Variants in ERAP1 observed in about 807,000 individuals in gnomAD.
The protein encoded by ERAP1 is adipocyte-derived leucine aminopeptidase.
In ERAP1, 86 loss-of-function variants were observed where a neutral mutation model predicts 103.7. The observed-to-expected ratio is 0.83, with a 90% CI of 0.70 to 0.99. ERAP1 has a LOEUF of 0.99. Among genes scored for constraint, ERAP1 ranks in the 50% least tolerant of loss-of-function variants. The pLI is 0.00. For synonymous variants in ERAP1, 398 were observed against 402.4 expected (o/e 0.99, Z 0.13); for missense variants, 1,009 against 1,128.4 (o/e 0.89, Z 1.52).
the ERAP1 span, chr5:96,886,870 T>C: frequency 8.1e-7 from 1 of 1,237,982 alleles, no homozygotes; most frequent in Non-Finnish European, 1.1e-6. Context: ...ATGTTTTTCA[T>C]TGTTATCAAA....
the ERAP1 span, among the ~76,000 whole-genome samples, chr5:96,856,462 G>C: frequency 6.9e-6 from 1 of 145,288 alleles, no homozygotes; most frequent in South Asian, 2.3e-4. Context: ...GTATGTTTTA[G>C]TACAATGCTG....
At chr5:96,873,483 T>C in the ERAP1 span, 1 of 454,752 alleles carries the variant, frequency 2.2e-6, no homozygotes, top group South Asian at 1.6e-5. Context: ...CATGTGTTAC[T>C]TCCAAAGTGG....
the ERAP1 span, among the ~76,000 whole-genome samples, chr5:96,815,407 G>GTTTTTTTTTTTTTTTTTTTTTTTTTTTTT: frequency 9.5e-6 from 1 of 105,454 alleles, no homozygotes; most frequent in African/African-American, 3.5e-5. Context: ...TGTTTGTTTT[G>GTTTTTTTTTTTTTTTTTTTTTTTTTTTTT]TTTTTTATTT....
the ERAP1 span, chr5:96,892,409 A>T: frequency 1.9e-6 from 3 of 1,614,020 alleles, no homozygotes; most frequent in Non-Finnish European, 2.5e-6. Context: ...TGCTTCCGAT[A>T]AACTGTGGGT....
At chr5:96,920,305 T>TAA in the ERAP1 span, among the ~76,000 whole-genome samples, 2 of 105,620 alleles carry the variant, frequency 1.9e-5, no homozygotes, top group African/African-American at 3.8e-5. Context: ...ACCCTGTCAT[T>TAA]TAAAAAAAAA....
intron 18 of ERAP1, 144 bp from the exon 19 acceptor site, chr5:96,776,695 C>G (rs1774366639): frequency 8.3e-7 from 1 of 1,201,354 alleles, no homozygotes; most frequent in African/African-American, 1.5e-5. Flanking sequence ...GGATTATGTA[C>G]ACATAAGCTG....
exon 20 of ERAP1, chr5:96,760,962 TA>T (rs1269917120): frequency 2.6e-5 from 4 of 152,040 alleles, no homozygotes; most frequent in Non-Finnish European, 4.4e-5. Context: ...TTAATCCAAC[TA>T]AACACTAGCA....
chr5:96,910,418 T>C, the ERAP1 span: 6 of 152,222 alleles, frequency 3.9e-5, no homozygotes, highest in South Asian at 6.2e-4. Flanking sequence ...TGGACTTTTT[T>C]TCCTTGTTGG....
the ERAP1 span, among the ~76,000 whole-genome samples, chr5:96,923,425 T>C: frequency 6.6e-6 from 1 of 152,320 alleles, no homozygotes; most frequent in African/African-American, 2.4e-5. Flanking sequence ...CGGGGCGTAG[T>C]GGCTGACGCC....
chr5:96,830,787 G>A, the ERAP1 span, among the ~76,000 whole-genome samples: 1 of 152,164 alleles, frequency 6.6e-6, no homozygotes, highest in Admixed American at 6.5e-5. Context: ...GGAAGGAAGT[G>A]CACACAGGGT....
chr5:96,833,594 TA>T, the ERAP1 span, among the ~76,000 whole-genome samples: 1 of 152,018 alleles, frequency 6.6e-6, no homozygotes, highest in Non-Finnish European at 1.5e-5. Flanking sequence ...GACATGAAAA[TA>T]AATAGAATTT....
chr5:96,808,155 G>A (rs1778877621), upstream of ERAP1: 1 of 981,952 alleles, frequency 1.0e-6, no homozygotes, highest in Admixed American at 6.5e-5. Context: ...GGGATCAGGC[G>A]TAGGAAGTGC....
At chr5:96,883,485 T>C in the ERAP1 span, among the ~76,000 whole-genome samples, 1 of 152,202 alleles carries the variant, frequency 6.6e-6, no homozygotes, top group Non-Finnish European at 1.5e-5. Context: ...ATTTCAGTCA[T>C]TTACTGGCTG....
intron 19 of ERAP1, chr5:96,763,290 T>A: frequency 1.3e-6 from 1 of 780,110 alleles, no homozygotes; most frequent in Non-Finnish European, 2.4e-6. Flanking sequence ...GCTCTACCAT[T>A]AGCAGCTATA....
chr5:96,833,341 T>G, the ERAP1 span, among the ~76,000 whole-genome samples: 1 of 152,248 alleles, frequency 6.6e-6, no homozygotes, highest in Non-Finnish European at 1.5e-5. Context: ...GTAAAAGATG[T>G]TCATTACACC....
At chr5:96,928,457 C>T in the ERAP1 span, among the ~76,000 whole-genome samples, 1 of 152,142 alleles carries the variant, frequency 6.6e-6, no homozygotes, top group Admixed American at 6.5e-5. Flanking sequence ...AGTTTGGACA[C>T]AGGTATGCAC....
the ERAP1 span, among the ~76,000 whole-genome samples, chr5:96,885,962 C>T: frequency 2.0e-5 from 3 of 152,160 alleles, no homozygotes; most frequent in African/African-American, 4.8e-5. Context: ...ACCTCCTTGG[C>T]CTGACTGCTT....
chr5:96,909,902 T>C, the ERAP1 span: 2 of 782,734 alleles, frequency 2.6e-6, no homozygotes, highest in Non-Finnish European at 4.0e-6. Context: ...CCCTGTTTCA[T>C]GCTCTCACAT....
At chr5:96,886,810 T>A in the ERAP1 span, 1 of 1,431,842 alleles carries the variant, frequency 7.0e-7, no homozygotes, top group Non-Finnish European at 9.3e-7. Flanking sequence ...GTTCTAACGT[T>A]CTACGCAGTG....
Sources: allele counts gnomAD v4.1 joint callset (sites outside exome capture counted in the v4.1 genomes callset), GRCh38; gene constraint gnomAD v4.1.1; transcripts MANE v1.5; gene names NCBI Gene and HGNC (gene_info 2026-07-23, HGNC 2026-07-21).